Variants in SKI observed in about 807,000 individuals in gnomAD.
SKI encodes the protein SKI proto-oncogene.
A neutral mutation model predicts 59.3 loss-of-function variants in SKI; 23 were observed. The ratio of observed to expected loss-of-function variants is 0.39; its 90% CI spans 0.28 to 0.55. The LOEUF (loss-of-function observed/expected upper bound fraction) is 0.55. Among genes scored for constraint, SKI ranks in the 20% least tolerant of loss-of-function variants. The probability of loss-of-function intolerance (pLI) is 0.67; values close to 1 mark genes in which losing one functional copy is unlikely to be tolerated. For missense variants in SKI, 1,017 were observed against 1,038.9 expected (o/e 0.98, Z 0.29); for synonymous variants, 673 against 488.6 (o/e 1.38, Z -4.98).
At chr1:2,242,343 G>C (rs1487403327) in intron 1 of SKI, among the ~76,000 whole-genome samples, 1 of 152,178 alleles carries the variant, frequency 6.6e-6, no homozygotes, top group East Asian at 1.9e-4. Context: ...TGGTGGGTTG[G>C]GGGAGAAGTA....
intron 1 of SKI, among the ~76,000 whole-genome samples, chr1:2,250,483 A>C (rs1297435545): frequency 6.6e-6 from 1 of 152,226 alleles, no homozygotes; most frequent in African/African-American, 2.4e-5. Context: ...AGAAATCTCC[A>C]AACCTACATA....
At chr1:2,286,114 C>T (rs1300324385) in intron 1 of SKI, among the ~76,000 whole-genome samples, 1 of 151,638 alleles carries the variant, frequency 6.6e-6, no homozygotes. Flanking sequence ...CCTCGTCGTC[C>T]ACCCACCTTG....
Position 2,269,010 on chromosome 1 carries a change from A to C in SKI, c.970-33968A>C, listed in dbSNP as rs528806895. ...TCTGTCACCCAGGCTGGAGTGCAGC[A>C]GCACAGTCTTGCGGCCTCAACCTTG... is the stretch of plus-strand genomic sequence containing the variant. On this transcript the variant is annotated intron_variant, in intron 1 of 6. Transcript: ENST00000378536. This position sits in a 1 kb window ranked among gnomAD's most constrained non-coding sequence, Gnocchi z 4.7. Among the ~76,000 whole-genome samples, 1 of 151,866 alleles carries C rather than the reference A, an allele frequency of 6.6e-6. No individual in the cohort carries two copies. Among genetic ancestry groups the C allele is most frequent in the Non-Finnish European group, 1.5e-5 (1 of 67,996 alleles).
In SKI at chr1:2,258,338, C is replaced by G. The variant is rs1020514127; in HGVS notation, c.969+28603C>G. Among the ~76,000 whole-genome samples, 8 of 152,228 alleles carry G rather than the reference C, an allele frequency of 5.3e-5. No homozygotes were observed. In the East Asian group the frequency reaches 1.5e-3, roughly 29 times the overall value. On this transcript the variant is annotated intron_variant, in intron 1 of 6. Transcript: ENST00000378536. ...AGCTCAGATGCCCCTATTCTAGATGCCGAGGCCGAATCGCCCCCTAGGGAG... is the reference window on the plus strand; with the variant it reads ...AGCTCAGATGCCCCTATTCTAGATGGCGAGGCCGAATCGCCCCCTAGGGAG...
chr1:2,280,197 G>T (rs1000121780), intron 1 of SKI, among the ~76,000 whole-genome samples: 1 of 150,380 alleles, frequency 6.6e-6, no homozygotes, highest in African/African-American at 2.5e-5. Flanking sequence ...GTGAAACCAC[G>T]TATCTACTAA....
intron 1 of SKI, among the ~76,000 whole-genome samples, chr1:2,260,535 C>CTTT (rs3065260): frequency 0.33 from 21,771 of 66,476 alleles, 4,938 homozygotes; most frequent in East Asian, 0.62. Context: ...TGTTCTTTTT[C>CTTT]TTTTTTTTTT....
rs2100931764 is a variant in SKI at position 2,308,789 on chromosome 1, C to G, written c.*2024C>G. On this transcript the variant is annotated 3_prime_UTR_variant, in exon 7 of 7. Coordinates refer to ENST00000378536, the MANE Select transcript of SKI (RefSeq NM_003036.4). ...TCCGTTTGCTTTGAGTTTTTAGACC[C>G]CAGAGGGAGATGAGCTTTTCCAAGC... 6.6e-6 allele frequency: 1 copy of G among 152,348 alleles called. No individual in the cohort carries two copies. The highest frequency in any genetic ancestry group is 2.1e-4 in the South Asian group (1 of 4,830). 9.4% of individuals were successfully genotyped at this position (152,348 alleles called of 1,614,324 possible).
intron 1 of SKI, among the ~76,000 whole-genome samples, chr1:2,259,636 A>G (rs1639341389): frequency 1.3e-5 from 2 of 152,232 alleles, no homozygotes; most frequent in Non-Finnish European, 2.9e-5. Context: ...CATATAAAAC[A>G]TGTATAAAAC....
At chr1:2,295,551 C>T (rs1221088154) in intron 1 of SKI, among the ~76,000 whole-genome samples, 3 of 152,198 alleles carry the variant, frequency 2.0e-5, no homozygotes, top group Non-Finnish European at 2.9e-5. Flanking sequence ...CCCCAGGCCC[C>T]AAATCCCAGC....
At chr1:2,261,381 A>G (rs1279166007) in intron 1 of SKI, among the ~76,000 whole-genome samples, 1 of 152,194 alleles carries the variant, frequency 6.6e-6, no homozygotes, top group Non-Finnish European at 1.5e-5. Context: ...TATCTTAACA[A>G]TCGGGAGTTT....
At chr1:2,231,392 C>G (rs890610953) in intron 1 of SKI, among the ~76,000 whole-genome samples, 1 of 152,168 alleles carries the variant, frequency 6.6e-6, no homozygotes, top group Non-Finnish European at 1.5e-5. Context: ...CATGTGTGTG[C>G]TTGTGGTCTT....
chr1:2,306,540 G>C, intron 6 of SKI, 37 bp from the exon 7 acceptor site: 2 of 1,531,786 alleles, frequency 1.3e-6, no homozygotes, highest in Non-Finnish European at 1.8e-6. Context: ...GGGCAGGGCA[G>C]CGAGCAGGCG....
rs575616831 is a variant in SKI, at chr1:2,293,785, C to T, written c.970-9193C>T. Among the ~76,000 whole-genome samples, 7 of 152,322 alleles carry T rather than the reference C, an allele frequency of 4.6e-5. No individual in the cohort carries two copies. The South Asian group carries it at 8.3e-4, about 18-fold the overall frequency. ...CTCTGGGACCGTCTACCTGTCCCAG[C>T]CCCCGTTTCCCCGCTTCTTCAGCTG... On this transcript the variant is annotated intron_variant, in intron 1 of 6. Coordinates refer to ENST00000378536, the MANE Select transcript of SKI (RefSeq NM_003036.4).
chr1:2,248,165 T>G (rs1186128870), intron 1 of SKI: 1 of 152,258 alleles, frequency 6.6e-6, no homozygotes, highest in African/African-American at 2.4e-5. Flanking sequence ...CAGCTGCCTT[T>G]CCAGGCCCTG....
Position 2,306,094 on chromosome 1 carries a change from G to T in SKI, c.1842G>T (p.Lys614Asn). The stretch of plus-strand genomic sequence containing the variant: ...CGGAGGCCAAGCGTAACCTGCGGAA[G>T]GAGATCGAGCGTCTCCGCGCCGAGA... ...EATEAKRNLRKEIERLRAENE... is the reference protein window; with the variant it reads ...EATEAKRNLRNEIERLRAENE... The change falls in exon 6 of 7, where the codon AAG becomes AAT. Residue 614 changes from lysine (K) to asparagine (N), a missense_variant. Coordinates refer to ENST00000378536, the MANE Select transcript of SKI (RefSeq NM_003036.4). The T allele has an allele frequency of 1.2e-6, 2 of 1,602,004 alleles. No individual in the cohort carries two copies. The highest frequency in any genetic ancestry group is 1.7e-6 in the Non-Finnish European group (2 of 1,175,712).
At chr1:2,272,449 C>T (rs1413313199) in intron 1 of SKI, among the ~76,000 whole-genome samples, 1 of 152,188 alleles carries the variant, frequency 6.6e-6, no homozygotes, top group East Asian at 1.9e-4. Flanking sequence ...ACGGCCCTGG[C>T]CCAGCGTCTG....
intron 5 of SKI, among the ~76,000 whole-genome samples, chr1:2,305,387 A>AACACAACC: frequency 6.6e-6 from 1 of 152,236 alleles, no homozygotes; most frequent in Non-Finnish European, 1.5e-5. Context: ...GCTTTAGCAC[A>AACACAACC]ACACAACCCC....
At chr1:2,277,854 T>C (rs1313795002) in intron 1 of SKI, among the ~76,000 whole-genome samples, 1 of 121,298 alleles carries the variant, frequency 8.2e-6, no homozygotes, top group African/African-American at 3.4e-5. Context: ...CCGACGGACA[T>C]ACGTGCACAC....
rs1037329264 is a variant in SKI, at chr1:2,268,337, C to T, written c.970-34641C>T. ...CCTGGTAGGGTTTGGGTGGGCTGAA[C>T]CCTGCACCCTGGCCCGGGTGTGGGG... On this transcript the variant is annotated intron_variant, in intron 1 of 6. Coordinates refer to ENST00000378536, the MANE Select transcript of SKI (RefSeq NM_003036.4). The surrounding 1 kb of genome is among the most constrained non-coding windows in gnomAD (Gnocchi z 5.0). Among the ~76,000 whole-genome samples the T allele has an allele frequency of 6.6e-6, 1 of 152,206 alleles. No individual in the cohort carries two copies. The highest frequency in any genetic ancestry group is 2.4e-5 in the African/African-American group (1 of 41,454).
Sources: allele counts gnomAD v4.1 joint callset (sites outside exome capture counted in the v4.1 genomes callset), GRCh38; gene constraint gnomAD v4.1.1; non-coding constraint Gnocchi (gnomAD v3.1); transcripts MANE v1.5; gene names NCBI Gene and HGNC (gene_info 2026-07-23, HGNC 2026-07-21).